CLPTM1: variants seen among roughly 807,000 people sequenced by gnomAD.
CLPTM1 encodes the protein putative lipid scramblase CLPTM1.
CLPTM1 carries 21 observed loss-of-function variants against 77.3 expected under a neutral mutation model. The ratio of observed to expected loss-of-function variants is 0.27; its 90% CI spans 0.19 to 0.39. The LOEUF (loss-of-function observed/expected upper bound fraction) is 0.39, where lower values mean the gene tolerates loss of function less well. Ranked by LOEUF, CLPTM1 falls within the 10% of genes least tolerant of loss-of-function variation. CLPTM1 has a pLI of 1.00. For missense variants in CLPTM1, 642 were observed against 921.2 expected (o/e 0.70, Z 3.92); for synonymous variants, 373 against 381.0 (o/e 0.98, Z 0.24).
Position 44,988,152 on chromosome 19 carries a change from G to A in CLPTM1, c.1111G>A (p.Glu371Lys), listed in dbSNP as rs1457762279. ...IIVSIVHSVF[E>K]FLAFKNDIQF... ...CGTGTCTATCGTTCACAGTGTCTTC[G>A]AGTTCCTGGCCTTCAAGAATGGTAG... The change falls in exon 9 of 14, where the codon GAG (glutamate) becomes AAG (lysine). Residue 371 changes from glutamate (E) to lysine (K), a missense_variant. Glu to Lys is a moderately conservative substitution (Grantham distance 56). This residue lies in a region of CLPTM1 where 521 missense variants were observed against 800.4 expected (regional missense o/e 0.65). Transcript: ENST00000337392. 8 of 1,613,740 alleles carry A rather than the reference G, an allele frequency of 5.0e-6. No individual in the cohort carries two copies. Among genetic ancestry groups the A allele is most frequent in the African/African-American group, 2.7e-5 (2 of 74,890 alleles).
intron 2 of CLPTM1, among the ~76,000 whole-genome samples, chr19:44,962,724 G>A (rs1416675685): frequency 2.0e-5 from 3 of 152,098 alleles, no homozygotes; most frequent in Middle Eastern, 3.2e-3. Context: ...GAGCCCAGGA[G>A]TTTGAGACCA....
rs1971012738 is a variant in CLPTM1 at position 44,988,166 on chromosome 19, C to T, written c.1125C>T (p.Phe375=). The T allele has an allele frequency of 2.5e-6, 4 of 1,612,252 alleles. No individual in the cohort carries two copies. The highest frequency in any genetic ancestry group is 2.7e-5 in the African/African-American group (2 of 74,862). ...ACAGTGTCTTCGAGTTCCTGGCCTT[C>T]AAGAATGGTAGGAACAGGACCCCAG... ...IVHSVFEFLA[F]KNDIQFWNSR... The change falls in exon 9 of 14, where the codon TTC becomes TTT. Residue 375 remains phenylalanine (F), a synonymous_variant. Transcript: ENST00000337392.
In CLPTM1 at chr19:44,990,801, G is replaced by C. The variant is rs1196136400; in HGVS notation, c.1324-49G>C. ...GGGCAGGGGCTGGTTCTGGCTTGTG[G>C]GGTGGGAGCCAGCGTAGCAACTGAC... On this transcript the variant is annotated intron_variant, in intron 10 of 13. Coordinates refer to ENST00000337392, the MANE Select transcript of CLPTM1 (RefSeq NM_001294.4). This position sits in a 1 kb window ranked among gnomAD's most constrained non-coding sequence, Gnocchi z 4.8. The C allele has an allele frequency of 1.3e-6, 2 of 1,500,662 alleles. No homozygotes were observed. The highest frequency in any genetic ancestry group is 4.6e-5 in the East Asian group (2 of 43,338). 93.0% of individuals were successfully genotyped at this position (1,500,662 alleles called of 1,614,324 possible).
chr19:44,960,247 C>T (rs1970524167), intron 1 of CLPTM1, among the ~76,000 whole-genome samples: 1 of 152,218 alleles, frequency 6.6e-6, no homozygotes, highest in Non-Finnish European at 1.5e-5. Flanking sequence ...TCTGACCACC[C>T]ACTCCAAAGT....
rs1235182759 is a variant in CLPTM1, at chr19:44,991,567, C to CTTCA, written c.1555+195_1555+198dup. The stretch of plus-strand genomic sequence containing the variant: ...CTTCAGGGAGGACATGAACAGTACG[C>CTTCA]TTCAGTCCTCATTCTCAGGGGGCCT... On this transcript the variant is annotated intron_variant, in intron 12 of 13. Transcript: ENST00000337392. The surrounding 1 kb of genome is among the most constrained non-coding windows in gnomAD (Gnocchi z 5.4). Among the ~76,000 whole-genome samples, 3 of 152,194 alleles carry CTTCA rather than the reference C, an allele frequency of 2.0e-5. No homozygotes were observed. The highest frequency in any genetic ancestry group is 7.2e-5 in the African/African-American group (3 of 41,448).
At chr19:44,966,100 A>C (rs114601604) in intron 2 of CLPTM1, among the ~76,000 whole-genome samples, 3,314 of 152,234 alleles carry the variant, frequency 0.022, 128 homozygotes, top group African/African-American at 0.073. Context: ...GAAGAGTGAA[A>C]AGAAAAAGCT....
chr19:44,956,873 C>T (rs1462340537), intron 1 of CLPTM1, among the ~76,000 whole-genome samples: 2 of 152,192 alleles, frequency 1.3e-5, no homozygotes, highest in Non-Finnish European at 2.9e-5. Flanking sequence ...CAGTCTTGCA[C>T]GATCCGACAC....
chr19:44,986,696 A>G, intron 7 of CLPTM1, 121 bp downstream of exon 7: 1 of 1,310,146 alleles, frequency 7.6e-7, no homozygotes, highest in Non-Finnish European at 1.0e-6. Flanking sequence ...CACCCTCCCA[A>G]GCTCCCACCC....
At chr19:44,986,040 G>A (rs1970972140) in intron 6 of CLPTM1, among the ~76,000 whole-genome samples, 1 of 152,152 alleles carries the variant, frequency 6.6e-6, no homozygotes, top group African/African-American at 2.4e-5. Flanking sequence ...CAGTTGCTGT[G>A]GTGGCTGATA....
At chr19:44,974,645 T>G in intron 4 of CLPTM1, 48 bp downstream of exon 4, 1 of 1,445,082 alleles carries the variant, frequency 6.9e-7, no homozygotes. Context: ...TGACTGGCAC[T>G]GAAGGACCTT....
chr19:44,983,512 G>GGAGGCTGA (rs1300667373), intron 5 of CLPTM1, among the ~76,000 whole-genome samples: 1 of 145,980 alleles, frequency 6.9e-6, no homozygotes, highest in East Asian at 2.1e-4. Context: ...CAGCTACCCA[G>GGAGGCTGA]GAGGCTGAGG....
intron 2 of CLPTM1, among the ~76,000 whole-genome samples, chr19:44,968,139 C>T (rs960671462): frequency 6.6e-6 from 1 of 152,162 alleles, no homozygotes; most frequent in Admixed American, 6.6e-5. Flanking sequence ...ATACAAGTCA[C>T]ACTGTAGGCT....
chr19:44,980,392 C>G (rs1263361699), intron 5 of CLPTM1, among the ~76,000 whole-genome samples: 2 of 151,810 alleles, frequency 1.3e-5, no homozygotes, highest in Non-Finnish European at 2.9e-5. Context: ...GCCTGTAATC[C>G]CAGTTACTCG....
chr19:44,954,890 G>A (rs1020100193), upstream of CLPTM1: 55 of 1,313,414 alleles, frequency 4.2e-5, 1 homozygote, highest in Admixed American at 7.5e-4. Flanking sequence ...GGGGTCAGAA[G>A]ACAAGGGTGC....
chr19:44,972,386 T>C (rs1429793484), intron 2 of CLPTM1, among the ~76,000 whole-genome samples: 1 of 151,912 alleles, frequency 6.6e-6, no homozygotes, highest in African/African-American at 2.4e-5. Context: ...TAGCTGGGAC[T>C]ACAGGCGCCC....
intron 1 of CLPTM1, 135 bp downstream of exon 1, chr19:44,955,602 A>C: frequency 1.8e-5 from 14 of 762,098 alleles, no homozygotes; most frequent in Non-Finnish European, 2.2e-5. Flanking sequence ...TACCCGGCCC[A>C]GGCAGGGCCG....
At chr19:44,984,915 C>T (rs569998428) in intron 5 of CLPTM1, among the ~76,000 whole-genome samples, 23 of 152,246 alleles carry the variant, frequency 1.5e-4, no homozygotes, top group South Asian at 1.0e-3. Flanking sequence ...TCTCTAACTC[C>T]TGACCTCAGG....
intron 1 of CLPTM1, among the ~76,000 whole-genome samples, chr19:44,957,802 C>T (rs953513917): frequency 6.6e-6 from 1 of 152,224 alleles, no homozygotes; most frequent in African/African-American, 2.4e-5. Flanking sequence ...GGACACAGAA[C>T]CCACAGCTTT....
At chr19:44,963,864 C>T (rs1419977644) in intron 2 of CLPTM1, among the ~76,000 whole-genome samples, 1 of 150,946 alleles carries the variant, frequency 6.6e-6, no homozygotes, top group African/African-American at 2.4e-5. Context: ...GCAATCTGCC[C>T]GCCTTGGCCT....
Sources: gnomAD v4.1 joint callset for allele counts (sites outside exome capture counted in the v4.1 genomes callset) on GRCh38, gnomAD v4.1.1 for gene constraint, gnomAD v4.1.1 regional missense constraint, Gnocchi (gnomAD v3.1) non-coding constraint, MANE v1.5 for transcripts, NCBI Gene and HGNC (gene_info 2026-07-23, HGNC 2026-07-21) for gene names.